Variants in COL11A1 observed in about 807,000 individuals in gnomAD.
COL11A1 encodes the protein collagen alpha-1(XI) chain.
COL11A1 carries 74 observed loss-of-function variants against 265.2 expected under a neutral mutation model. That is an observed-to-expected ratio of 0.28 (90% CI 0.23 to 0.34). The LOEUF (loss-of-function observed/expected upper bound fraction) is 0.34, where lower values mean the gene tolerates loss of function less well. COL11A1 is among the 10% of genes least tolerant of loss of function. The probability of loss-of-function intolerance (pLI) is 1.00; values close to 1 mark genes in which losing one functional copy is unlikely to be tolerated. For missense variants in COL11A1, 2,165 were observed against 2,263.6 expected, an observed-to-expected ratio of 0.96 and a Z score of 0.88; for synonymous variants, 816 against 727.6, an observed-to-expected ratio of 1.12 and a Z score of -1.96.
intron 4 of COL11A1, among the ~76,000 whole-genome samples, chr1:103,052,387 T>G (rs1347454586): frequency 6.6e-6 from 1 of 152,158 alleles, no homozygotes; most frequent in East Asian, 1.9e-4. Flanking sequence ...CCAGGTCTCC[T>G]CCCAAATGCC....
chr1:103,030,538 T>G (rs1360244484), intron 5 of COL11A1, among the ~76,000 whole-genome samples: 3 of 150,800 alleles, frequency 2.0e-5, no homozygotes, highest in Non-Finnish European at 3.0e-5. Context: ...AAACTCTAAG[T>G]CTTAAAAATT....
At position 102,877,354 on chromosome 1, in the gene COL11A1, G is replaced by A. The variant is rs202039091; in HGVS notation, c.*665C>T. 6.6e-6 allele frequency: 1 copy of A among 152,578 alleles called. No individual in the cohort carries two copies. The highest frequency in any genetic ancestry group is 1.5e-5 in the Non-Finnish European group (1 of 68,006). 9.5% of individuals were successfully genotyped at this position (152,578 alleles called of 1,614,324 possible). The stretch of plus-strand genomic sequence containing the variant: ...ACTGTCGGCAGAGAAGAGTTGATCA[G>A]AGTGTGCTTCCAAAAGTCTTCCAGA... On this transcript the variant is annotated 3_prime_UTR_variant, in exon 67 of 67. Coordinates refer to ENST00000370096, the MANE Select transcript of COL11A1 (RefSeq NM_001854.4).
chr1:103,009,635 A>G (rs1365033683), intron 14 of COL11A1, among the ~76,000 whole-genome samples: 1 of 152,210 alleles, frequency 6.6e-6, no homozygotes, highest in Non-Finnish European at 1.5e-5. Flanking sequence ...GTTCTAAAAG[A>G]TTCTAATTTA....
At chr1:102,959,933 A>G (rs1006738121) in intron 41 of COL11A1, among the ~76,000 whole-genome samples, 1 of 152,142 alleles carries the variant, frequency 6.6e-6, no homozygotes, top group African/African-American at 2.4e-5. Context: ...TTAAAACATC[A>G]TTTATTCCTA....
At chr1:102,968,541 C>A (rs1381798302) in intron 37 of COL11A1, among the ~76,000 whole-genome samples, 2 of 152,072 alleles carry the variant, frequency 1.3e-5, no homozygotes, top group Non-Finnish European at 2.9e-5. Flanking sequence ...AAATATAATT[C>A]AAAAATTTAT....
At chr1:103,056,381 C>A (rs1004865030) in intron 4 of COL11A1, among the ~76,000 whole-genome samples, 1 of 152,114 alleles carries the variant, frequency 6.6e-6, no homozygotes, top group African/African-American at 2.4e-5. Context: ...TATGAGGTCT[C>A]CTAATAGCTT....
rs140540631 is a variant in COL11A1, at chr1:102,993,134, C to T, written c.2340+2730G>A. 2.8e-3 allele frequency among the ~76,000 whole-genome samples: 420 copies of T among 152,216 alleles called. 5 individuals are homozygous for T. The highest frequency in any genetic ancestry group is 9.4e-3 in the African/African-American group (391 of 41,542). On this transcript the variant is annotated intron_variant, in intron 28 of 66. Coordinates refer to ENST00000370096, the MANE Select transcript of COL11A1 (RefSeq NM_001854.4). Reference sequence around the variant, plus strand: ...AACACTGCCTAGCCCCTCTAAAAATCCTTGATGGATACTAATTCCAGAGAA... The same window carrying T: ...AACACTGCCTAGCCCCTCTAAAAATTCTTGATGGATACTAATTCCAGAGAA...
At chr1:103,027,162 T>C (rs909175844) in intron 5 of COL11A1, among the ~76,000 whole-genome samples, 9 of 151,098 alleles carry the variant, frequency 6.0e-5, no homozygotes, top group African/African-American at 1.9e-4. Context: ...AAGATTTTAA[T>C]TAAGGAGAGA....
intron 46 of COL11A1, 61 bp from the exon 47 acceptor site, chr1:102,923,450 G>A (rs1322108370): frequency 7.7e-7 from 1 of 1,295,298 alleles, no homozygotes; most frequent in East Asian, 2.5e-5. Flanking sequence ...AAAAAGTTTG[G>A]TCAATTTCTA....
At chr1:102,903,788 T>C (rs538415539) in intron 54 of COL11A1, among the ~76,000 whole-genome samples, 5 of 152,318 alleles carry the variant, frequency 3.3e-5, no homozygotes, top group African/African-American at 9.6e-5. Context: ...GATTAGATGT[T>C]TGTGTTCACC....
At chr1:102,929,643 C>T (rs9728630) in intron 46 of COL11A1, among the ~76,000 whole-genome samples, 2,450 of 152,028 alleles carry the variant, frequency 0.016, 75 homozygotes, top group African/African-American at 0.056. Context: ...GCATTGGTAG[C>T]TTGATGGGGA....
intron 4 of COL11A1, among the ~76,000 whole-genome samples, chr1:103,034,095 T>C (rs1668181934): frequency 1.3e-5 from 2 of 152,138 alleles, no homozygotes; most frequent in African/African-American, 4.8e-5. Flanking sequence ...ATCCTTTATA[T>C]GTTATCAGTC....
intron 41 of COL11A1, among the ~76,000 whole-genome samples, chr1:102,961,227 C>A (rs906795453): frequency 6.6e-6 from 1 of 151,916 alleles, no homozygotes; most frequent in African/African-American, 2.4e-5. Context: ...AGCATACATT[C>A]AATTGTTTTC....
chr1:102,962,788 G>T, intron 38 of COL11A1, 28 bp from the exon 39 acceptor site: 1 of 1,592,826 alleles, frequency 6.3e-7, no homozygotes, highest in Non-Finnish European at 8.6e-7. Context: ...AATCACTTTA[G>T]ATTGCTCTTT....
At chr1:103,047,720 G>T (rs1226408650) in intron 4 of COL11A1, among the ~76,000 whole-genome samples, 1 of 148,978 alleles carries the variant, frequency 6.7e-6, no homozygotes, top group African/African-American at 2.5e-5. Context: ...TGCCCATTCA[G>T]TATGATATTG....
intron 4 of COL11A1, among the ~76,000 whole-genome samples, chr1:103,059,100 A>G (rs1670458598): frequency 6.6e-6 from 1 of 152,218 alleles, no homozygotes. Flanking sequence ...TTGTAACAAG[A>G]GCAATATCCA....
intron 59 of COL11A1, 42 bp downstream of exon 59, chr1:102,889,413 T>A: frequency 1.4e-6 from 1 of 694,392 alleles, no homozygotes; most frequent in Non-Finnish European, 2.3e-6. Flanking sequence ...GTGTGTGTAT[T>A]ATTGGAAATG....
At chr1:102,893,602 G>A (rs1652034970) in intron 57 of COL11A1, among the ~76,000 whole-genome samples, 1 of 152,194 alleles carries the variant, frequency 6.6e-6, no homozygotes, top group Non-Finnish European at 1.5e-5. Flanking sequence ...AAGTAATAAA[G>A]TGAAAAGGAA....
intron 25 of COL11A1, among the ~76,000 whole-genome samples, chr1:102,997,657 G>A (rs1216388406): frequency 4.0e-5 from 6 of 151,836 alleles, no homozygotes; most frequent in Non-Finnish European, 8.8e-5. Flanking sequence ...GGTAGGATGA[G>A]AAATCTTATA....
Sources: allele counts gnomAD v4.1 joint callset (sites outside exome capture counted in the v4.1 genomes callset), GRCh38; gene constraint gnomAD v4.1.1; transcripts MANE v1.5; gene names NCBI Gene and HGNC (gene_info 2026-07-23, HGNC 2026-07-21).